Variants in ATP6V1A observed in about 807,000 individuals in gnomAD.
The protein encoded by ATP6V1A is V-type proton ATPase catalytic subunit A.
A neutral mutation model predicts 70.1 loss-of-function variants in ATP6V1A; 18 were observed. The ratio of observed to expected loss-of-function variants is 0.26; its 90% CI spans 0.18 to 0.38. ATP6V1A has a LOEUF of 0.38. Among genes scored for constraint, ATP6V1A ranks in the 10% least tolerant of loss-of-function variants. The probability of loss-of-function intolerance (pLI) is 1.00; values close to 1 mark genes in which losing one functional copy is unlikely to be tolerated. For missense variants in ATP6V1A, 424 were observed against 772.4 expected (o/e 0.55, Z 5.35); for synonymous variants, 232 against 253.8 (o/e 0.91, Z 0.82).
chr3:113,763,662 C>T (rs1708732173), intron 1 of ATP6V1A, among the ~76,000 whole-genome samples: 1 of 151,986 alleles, frequency 6.6e-6, no homozygotes, highest in South Asian at 2.1e-4. Flanking sequence ...GTTCTAATAC[C>T]ATATTTTGTT....
chr3:113,774,685 A>C (rs1708887989), intron 1 of ATP6V1A, among the ~76,000 whole-genome samples: 1 of 151,978 alleles, frequency 6.6e-6, no homozygotes, highest in African/African-American at 2.4e-5. Context: ...ATAGTGGCAC[A>C]CACTGTAGTC....
intron 1 of ATP6V1A, among the ~76,000 whole-genome samples, chr3:113,769,024 T>C (rs1708804841): frequency 6.6e-6 from 1 of 152,202 alleles, no homozygotes; most frequent in Admixed American, 6.5e-5. Context: ...ATTACAATAA[T>C]AGGCTTAACA....
chr3:113,807,549 T>C (rs1188042079), intron 14 of ATP6V1A, among the ~76,000 whole-genome samples: 1 of 152,164 alleles, frequency 6.6e-6, no homozygotes, highest in Non-Finnish European at 1.5e-5. Flanking sequence ...ATAAGATAGA[T>C]ATTATGAAGG....
rs762901487 is a variant in ATP6V1A, at chr3:113,772,933, C to CTT, written c.-13-5787_-13-5786dup. Among the ~76,000 whole-genome samples, 490 of 90,444 alleles carry CTT rather than the reference C, an allele frequency of 5.4e-3. 24 individuals carry two copies. The highest frequency in any genetic ancestry group is 8.2e-3 in the Middle Eastern group (1 of 122). 59.3% of individuals were successfully genotyped at this position (90,444 alleles called of 152,430 possible). ...CATTTTTTTCTCCACTTAATATTGG[C>CTT]TTTTTTTTTTTTTTTTTTTTTTGAG... is the stretch of plus-strand genomic sequence containing the variant. On this transcript the variant is annotated intron_variant, in intron 1 of 14. Transcript: ENST00000273398.
chr3:113,792,008 A>G (rs1284372122), intron 8 of ATP6V1A, among the ~76,000 whole-genome samples: 1 of 152,064 alleles, frequency 6.6e-6, no homozygotes, highest in Non-Finnish European at 1.5e-5. Context: ...TATTTAGGTG[A>G]CTTTTTAAAT....
rs905141469 is a variant in ATP6V1A, at chr3:113,811,606, TTTGTTG to T, written c.*2191_*2196del. 3 of 152,598 alleles carry T rather than the reference TTTGTTG, an allele frequency of 2.0e-5. No individual in the cohort carries two copies. The East Asian group carries it at 5.8e-4, about 29-fold the overall frequency. The allele number at this position is 152,598 out of a possible 1,614,324, so 9.5% of individuals were successfully genotyped here. ...AAGAAAGTTTGACCAAATTTGTTTT[TTTGTTG>T]TTGTTGTTGTTTTGAATTTGAAATC... On this transcript the variant is annotated 3_prime_UTR_variant, in exon 15 of 15. Transcript: ENST00000273398.
At chr3:113,770,987 C>T (rs141412316) in intron 1 of ATP6V1A, among the ~76,000 whole-genome samples, 91 of 150,982 alleles carry the variant, frequency 6.0e-4, no homozygotes, top group African/African-American at 1.9e-3. Flanking sequence ...TCCAGCTACT[C>T]GGGAGGCTGA....
intron 5 of ATP6V1A, among the ~76,000 whole-genome samples, chr3:113,785,748 A>G (rs1009149949): frequency 6.6e-6 from 1 of 150,482 alleles, no homozygotes; most frequent in Non-Finnish European, 1.5e-5. Context: ...GGCTCACTGC[A>G]TCCTCTGCCT....
intron 12 of ATP6V1A, among the ~76,000 whole-genome samples, chr3:113,799,121 G>C (rs188726557): frequency 2.2e-4 from 34 of 152,174 alleles, no homozygotes; most frequent in South Asian, 6.2e-4. Context: ...ACCAGATAAA[G>C]ACAATACAAG....
chr3:113,800,555 A>G (rs888869328), intron 12 of ATP6V1A, among the ~76,000 whole-genome samples: 1 of 152,314 alleles, frequency 6.6e-6, no homozygotes, highest in African/African-American at 2.4e-5. Context: ...ACTGTTTACT[A>G]TTTGAAGGAA....
At chr3:113,761,692 C>T (rs1389966817) in intron 1 of ATP6V1A, among the ~76,000 whole-genome samples, 6 of 147,464 alleles carry the variant, frequency 4.1e-5, no homozygotes, top group South Asian at 2.2e-4. Flanking sequence ...GCCAAGATCG[C>T]GCCATTGCAC....
chr3:113,752,031 GACTA>G (rs1708592905), intron 1 of ATP6V1A, among the ~76,000 whole-genome samples: 1 of 151,750 alleles, frequency 6.6e-6, no homozygotes, highest in Admixed American at 6.6e-5. Flanking sequence ...GTATTATTAT[GACTA>G]ACAACAAAAA....
At position 113,809,541 on chromosome 3, in the gene ATP6V1A, T is replaced by A; in HGVS notation, c.*114T>A. The A allele has an allele frequency of 1.2e-6, 1 of 859,952 alleles. No homozygotes were observed. Among genetic ancestry groups the A allele is most frequent in the Non-Finnish European group, 1.8e-6 (1 of 552,746 alleles). The allele number at this position is 859,952 out of a possible 1,614,324, so 53.3% of individuals were successfully genotyped here. A position where few individuals can be genotyped will look rare whatever the true frequency, so the allele number is the denominator to read the frequency against. The stretch of plus-strand genomic sequence containing the variant: ...CTTCTTTATTGTGCAGCTTTGAGAC[T>A]AGTGCCTATGTGTGTTATTTGTTTC... On this transcript the variant is annotated 3_prime_UTR_variant, in exon 15 of 15. Coordinates refer to ENST00000273398, the MANE Select transcript of ATP6V1A (RefSeq NM_001690.4).
At chr3:113,790,683 A>C (rs997164070) in intron 8 of ATP6V1A, among the ~76,000 whole-genome samples, 1 of 152,150 alleles carries the variant, frequency 6.6e-6, no homozygotes, top group African/African-American at 2.4e-5. Flanking sequence ...AAATGGAGTT[A>C]ATGCTCACCA....
intron 2 of ATP6V1A, among the ~76,000 whole-genome samples, chr3:113,780,063 A>G (rs1708961822): frequency 2.0e-5 from 3 of 152,290 alleles, no homozygotes; most frequent in African/African-American, 7.2e-5. Flanking sequence ...TAATAAGGTA[A>G]TGGAACAATG....
intron 6 of ATP6V1A, among the ~76,000 whole-genome samples, chr3:113,788,181 G>T (rs941945898): frequency 6.6e-6 from 1 of 152,072 alleles, no homozygotes; most frequent in African/African-American, 2.4e-5. Flanking sequence ...CCAAAGCATT[G>T]GGATTACAGG....
chr3:113,782,592 A>G (rs1347716357), intron 3 of ATP6V1A, among the ~76,000 whole-genome samples: 2 of 145,220 alleles, frequency 1.4e-5, no homozygotes, highest in African/African-American at 2.6e-5. Context: ...ATACACATAT[A>G]TATATATATA....
chr3:113,784,634 A>G (rs533496293), intron 4 of ATP6V1A, 62 bp from the exon 5 acceptor site: 231 of 1,577,482 alleles, frequency 1.5e-4, no homozygotes, highest in African/African-American at 1.3e-3. Flanking sequence ...AAATTATAGC[A>G]GCAGGGGCAA....
chr3:113,769,828 A>C (rs1708814363), intron 1 of ATP6V1A, among the ~76,000 whole-genome samples: 1 of 152,112 alleles, frequency 6.6e-6, no homozygotes. Context: ...ATCTTTCACA[A>C]ATTGGGTAGG....
Sources: allele counts gnomAD v4.1 joint callset (sites outside exome capture counted in the v4.1 genomes callset), GRCh38; gene constraint gnomAD v4.1.1; transcripts MANE v1.5; gene names NCBI Gene and HGNC (gene_info 2026-07-23, HGNC 2026-07-21).